Variants in UBR2 observed in about 807,000 individuals in gnomAD.
UBR2 encodes E3 ubiquitin-protein ligase UBR2.
UBR2 carries 92 observed loss-of-function variants against 247.9 expected under a neutral mutation model. The ratio of observed to expected loss-of-function variants is 0.37; its 90% CI spans 0.31 to 0.44. UBR2 has a LOEUF of 0.44. Among genes scored for constraint, UBR2 ranks in the 20% least tolerant of loss-of-function variants. The pLI is 1.00. For missense variants in UBR2, 1,613 were observed against 2,112.6 expected, an observed-to-expected ratio of 0.76 and a Z score of 4.64; for synonymous variants, 672 against 693.5, an observed-to-expected ratio of 0.97 and a Z score of 0.49.
intron 36 of UBR2, among the ~76,000 whole-genome samples, chr6:42,671,010 A>G (rs1798391376): frequency 6.6e-6 from 1 of 152,060 alleles, no homozygotes; most frequent in Non-Finnish European, 1.5e-5. Context: ...ACATGGAGAA[A>G]CCTCGTCTCT....
chr6:42,578,805 A>T (rs1791681840), intron 2 of UBR2, among the ~76,000 whole-genome samples: 1 of 152,138 alleles, frequency 6.6e-6, no homozygotes, highest in Non-Finnish European at 1.5e-5. Context: ...TCTACTTAAA[A>T]TACAAAAATT....
At chr6:42,580,157 A>C (rs1332075371) in intron 2 of UBR2, among the ~76,000 whole-genome samples, 1 of 152,134 alleles carries the variant, frequency 6.6e-6, no homozygotes, top group Admixed American at 6.5e-5. Context: ...TCTGTACGTT[A>C]TCATGGGGCC....
chr6:42,637,310 TAA>T (rs1796158570), intron 15 of UBR2, 116 bp downstream of exon 15: 2 of 1,144,022 alleles, frequency 1.7e-6, no homozygotes, highest in Admixed American at 5.2e-5. Flanking sequence ...TCTACATCAT[TAA>T]CTTATCCAAT....
At chr6:42,665,630 A>G (rs16895923) in intron 33 of UBR2, 118 bp downstream of exon 33, 117,181 of 759,668 alleles carry the variant, frequency 0.15, 9,771 homozygotes, top group Non-Finnish European at 0.17. Context: ...ACTCATTCTA[A>G]TTTTCCTTGT....
chr6:42,618,007 A>G lies in UBR2; in HGVS notation c.1281+500A>G, dbSNP rs1299725202. 4.6e-5 allele frequency among the ~76,000 whole-genome samples: 7 copies of G among 152,244 alleles called. 1 individual carries two copies. In the East Asian group the frequency reaches 1.2e-3, roughly 25 times the overall value. ...GCATCGTTATGTTTTAACGCTATAT[A>G]CATAATTAAAATTCATATTTAATTT... On this transcript the variant is annotated intron_variant, in intron 11 of 46. Transcript: ENST00000372901.
At chr6:42,638,751 TA>T (rs970122755) in intron 15 of UBR2, among the ~76,000 whole-genome samples, 245 of 139,344 alleles carry the variant, frequency 1.8e-3, no homozygotes, top group Middle Eastern at 3.6e-3. Flanking sequence ...CACGTGCCCT[TA>T]AAAAAAAAAA....
At chr6:42,683,225 G>C (rs559590390) in intron 43 of UBR2, 114 bp downstream of exon 43, 1 of 758,224 alleles carries the variant, frequency 1.3e-6, no homozygotes, top group South Asian at 2.1e-5. Flanking sequence ...ATTCCAAAAG[G>C]TTAAGATATG....
intron 11 of UBR2, among the ~76,000 whole-genome samples, chr6:42,626,770 A>T (rs766526511): frequency 4.6e-5 from 7 of 152,178 alleles, no homozygotes; most frequent in Non-Finnish European, 7.3e-5. Flanking sequence ...TTCCTTATAT[A>T]ACTTTAGAAT....
In UBR2 at chr6:42,658,264, A is replaced by T. The variant is rs1160396821; in HGVS notation, c.3007A>T (p.Arg1003Trp). ...GACTTTTAATGCTGTTAAAAAGATG[A>T]GGGAGAGTTCACCTACCAGTCCCGT... ...LKTFNAVKKM[R>W]ESSPTSPVAE... The change falls in exon 28 of 47, where the codon AGG (arginine) becomes TGG (tryptophan). Residue 1003 changes from arginine to tryptophan, a missense_variant. This residue lies in a region of UBR2 where 1,524 missense variants were observed against 1,967.3 expected (regional missense o/e 0.77). Transcript: ENST00000372901. 2 of 1,613,830 alleles carry T rather than the reference A, an allele frequency of 1.2e-6. No individual in the cohort carries two copies. The highest frequency in any genetic ancestry group is 2.7e-5 in the African/African-American group (2 of 74,900).
chr6:42,571,285 C>A lies in UBR2; in HGVS notation c.79-2449C>A, dbSNP rs547122276. Among the ~76,000 whole-genome samples, 29 of 143,518 alleles carry A rather than the reference C, an allele frequency of 2.0e-4. No homozygotes were observed. The South Asian group carries it at 2.5e-3, about 12-fold the overall frequency. 94.2% of individuals were successfully genotyped at this position (143,518 alleles called of 152,430 possible). ...AAAAAAAGCATCCCTTCTAAAGTAA[C>A]CTTTCATTCTTGTATTAAAATTTTG... is the stretch of plus-strand genomic sequence containing the variant. On this transcript the variant is annotated intron_variant, in intron 1 of 46. Coordinates refer to ENST00000372901, the MANE Select transcript of UBR2 (RefSeq NM_001363705.2).
chr6:42,627,406 C>CTAATTTGTTGGT (rs1795422275), intron 11 of UBR2, among the ~76,000 whole-genome samples: 3 of 152,114 alleles, frequency 2.0e-5, no homozygotes. Context: ...AATCTAGTGG[C>CTAATTTGTTGGT]TAATTTGTTG....
At chr6:42,613,185 A>G (rs1464915820) in intron 8 of UBR2, among the ~76,000 whole-genome samples, 3 of 152,180 alleles carry the variant, frequency 2.0e-5, no homozygotes. Flanking sequence ...CACATCTGCA[A>G]CCAAAAATAC....
chr6:42,689,078 C>G lies in UBR2; in HGVS notation c.5025-491C>G, dbSNP rs1012460963. ...CTACTCAGAACATTCTGCACAGTTC[C>G]TGGGGTAGAAATGTGCCTGTCTGCT... On this transcript the variant is annotated intron_variant, in intron 45 of 46. Transcript: ENST00000372901. This position sits in a 1 kb window ranked among gnomAD's most constrained non-coding sequence, Gnocchi z 4.0. Among the ~76,000 whole-genome samples the G allele has an allele frequency of 6.6e-6, 1 of 152,174 alleles. No individual in the cohort carries two copies. Among genetic ancestry groups the G allele is most frequent in the Non-Finnish European group, 1.5e-5 (1 of 68,022 alleles).
intron 4 of UBR2, among the ~76,000 whole-genome samples, chr6:42,595,414 A>G (rs1425216203): frequency 6.6e-6 from 1 of 152,148 alleles, no homozygotes; most frequent in African/African-American, 2.4e-5. Flanking sequence ...CTACATTGTT[A>G]GTAGGCCTGA....
At position 42,683,033 on chromosome 6, in the gene UBR2, TCCCCC is replaced by T; in HGVS notation, c.4719-21_4719-17del. Reference sequence around the variant, plus strand: ...ACCCTTTAAAAGTGTTTTGTGTTTTTCCCCCTCTGTTTACATTAAAGTTGGTGCCG... The same window carrying T: ...ACCCTTTAAAAGTGTTTTGTGTTTTTTCTGTTTACATTAAAGTTGGTGCCG... On this transcript the variant is annotated splice_polypyrimidine_tract_variant and intron_variant, in intron 42 of 46. Transcript: ENST00000372901. The T allele has an allele frequency of 1.9e-6, 3 of 1,607,562 alleles. No homozygotes were observed. The Admixed American group carries it at 5.1e-5, about 27-fold the overall frequency.
intron 44 of UBR2, among the ~76,000 whole-genome samples, chr6:42,685,449 G>A (rs1799325150): frequency 6.6e-6 from 1 of 150,862 alleles, no homozygotes; most frequent in Non-Finnish European, 1.5e-5. Context: ...TGCACTTAAA[G>A]TAATAACAGC....
Position 42,564,120 on chromosome 6 carries a change from T to G in UBR2, c.-200T>G. On this transcript the variant is annotated 5_prime_UTR_variant, in exon 1 of 47. Coordinates refer to ENST00000372901, the MANE Select transcript of UBR2 (RefSeq NM_001363705.2). ...GTGACTTGACTCTTGGGCGCTAAGCTTGGGAGGGAGCGCAGGAGGCCGCTG... is the reference window on the plus strand; with the variant it reads ...GTGACTTGACTCTTGGGCGCTAAGCGTGGGAGGGAGCGCAGGAGGCCGCTG... 1.7e-6 allele frequency: 1 copy of G among 597,972 alleles called. No homozygotes were observed. The highest frequency in any genetic ancestry group is 4.4e-4 in the Middle Eastern group (1 of 2,274). 37.0% of individuals were successfully genotyped at this position (597,972 alleles called of 1,614,324 possible).
chr6:42,676,889 T>C lies in UBR2; in HGVS notation c.4478+16T>C, dbSNP rs1430980924. ...ATACGGGAAGGTGAGTTAGTTATCT[T>C]TACATAACGCATTTCCCTAAATATT... On this transcript the variant is annotated intron_variant, in intron 40 of 46. Coordinates refer to ENST00000372901, the MANE Select transcript of UBR2 (RefSeq NM_001363705.2). The C allele has an allele frequency of 1.9e-6, 3 of 1,580,872 alleles. No individual in the cohort carries two copies. The highest frequency in any genetic ancestry group is 2.2e-5 in the South Asian group (2 of 90,058).
chr6:42,605,682 A>G (rs747748484), intron 5 of UBR2, 39 bp from the exon 6 acceptor site: 6 of 1,573,348 alleles, frequency 3.8e-6, no homozygotes, highest in Non-Finnish European at 5.2e-6. Flanking sequence ...CAAGATAATA[A>G]ACAAATAGAT....
Sources: allele counts gnomAD v4.1 joint callset (sites outside exome capture counted in the v4.1 genomes callset), GRCh38; gene constraint gnomAD v4.1.1; regional missense constraint gnomAD v4.1.1; non-coding constraint Gnocchi (gnomAD v3.1); transcripts MANE v1.5; gene names NCBI Gene and HGNC (gene_info 2026-07-23, HGNC 2026-07-21).